ABLIM1: variants seen among roughly 807,000 people sequenced by gnomAD.
ABLIM1 encodes the protein actin-binding LIM protein 1.
ABLIM1 carries 40 observed loss-of-function variants against 107.0 expected under a neutral mutation model. That is an observed-to-expected ratio of 0.37 (90% confidence interval 0.29 to 0.49). ABLIM1 has a LOEUF of 0.49. Ranked by LOEUF, ABLIM1 falls within the 20% of genes least tolerant of loss-of-function variation. The pLI is 0.97. For synonymous variants in ABLIM1, 357 were observed against 357.3 expected, an observed-to-expected ratio of 1.00 and a Z score of 0.01; for missense variants, 857 against 1,008.5, an observed-to-expected ratio of 0.85 and a Z score of 2.04.
upstream of ABLIM1, among the ~76,000 whole-genome samples, chr10:114,686,439 G>A (rs1716634447): frequency 6.6e-6 from 1 of 151,662 alleles, no homozygotes. Flanking sequence ...CTTGAGCCCA[G>A]AAGATTGGGG....
At chr10:114,783,634 T>C in the ABLIM1 span, among the ~76,000 whole-genome samples, 1 of 151,462 alleles carries the variant, frequency 6.6e-6, no homozygotes, top group Non-Finnish European at 1.5e-5. Flanking sequence ...TGGTATTGAA[T>C]AAACAACAAA....
chr10:114,672,692 A>ATCT (rs1456922208), intron 1 of ABLIM1, among the ~76,000 whole-genome samples: 1 of 152,190 alleles, frequency 6.6e-6, no homozygotes, highest in Non-Finnish European at 1.5e-5. Context: ...TGTTTAAAAC[A>ATCT]TCTTTGTTTA....
upstream of ABLIM1, chr10:114,768,126 G>T: frequency 2.6e-6 from 1 of 386,344 alleles, no homozygotes; most frequent in Non-Finnish European, 5.2e-6. Flanking sequence ...CCCGCAGGGC[G>T]CGGGGAAGAA....
chr10:114,686,065 C>T (rs2141646538), upstream of ABLIM1, among the ~76,000 whole-genome samples: 1 of 152,282 alleles, frequency 6.6e-6, no homozygotes, highest in African/African-American at 2.4e-5. Context: ...TTTTACAAGG[C>T]AGGACAGGGG....
intron 1 of ABLIM1, among the ~76,000 whole-genome samples, chr10:114,651,172 GA>G (rs1457627680): frequency 6.6e-6 from 1 of 152,140 alleles, no homozygotes; most frequent in Non-Finnish European, 1.5e-5. Context: ...CGAACATAGT[GA>G]TTTGATTTCT....
chr10:114,657,052 T>C (rs35505004), intron 1 of ABLIM1, among the ~76,000 whole-genome samples: 48,147 of 152,140 alleles, frequency 0.32, 8,681 homozygotes, highest in Non-Finnish European at 0.42. Context: ...AATGGATGAA[T>C]TTTACAGCAT....
At chr10:114,796,406 T>C in the ABLIM1 span, among the ~76,000 whole-genome samples, 3 of 152,164 alleles carry the variant, frequency 2.0e-5, no homozygotes, top group African/African-American at 4.8e-5. Flanking sequence ...CCTTGCCATG[T>C]GGGTCTCTCC....
intron 1 of ABLIM1, among the ~76,000 whole-genome samples, chr10:114,742,630 A>G (rs558993176): frequency 6.6e-6 from 1 of 152,280 alleles, no homozygotes; most frequent in East Asian, 1.9e-4. Flanking sequence ...AAATGGAGTA[A>G]TAATATTATC....
At chr10:114,535,617 G>A (rs1180181557) in intron 6 of ABLIM1, among the ~76,000 whole-genome samples, 1 of 152,128 alleles carries the variant, frequency 6.6e-6, no homozygotes, top group Non-Finnish European at 1.5e-5. Flanking sequence ...GCCAAGCCTA[G>A]CATAGAATCT....
chr10:114,446,221 T>C (rs531637929), intron 15 of ABLIM1, among the ~76,000 whole-genome samples: 19 of 152,388 alleles, frequency 1.2e-4, no homozygotes, highest in African/African-American at 4.3e-4. Flanking sequence ...TGTCTTCTAC[T>C]CTTAGTAAAT....
chr10:114,550,138 CATA>C (rs1351856495), intron 4 of ABLIM1, among the ~76,000 whole-genome samples: 1 of 151,954 alleles, frequency 6.6e-6, no homozygotes, highest in Non-Finnish European at 1.5e-5. Context: ...ATCTAGTACA[CATA>C]TGAGTGTGTA....
intron 1 of ABLIM1, among the ~76,000 whole-genome samples, chr10:114,735,539 G>A (rs992303553): frequency 8.5e-5 from 13 of 152,216 alleles, no homozygotes; most frequent in African/African-American, 1.2e-4. Flanking sequence ...GCGCGATCTC[G>A]GCTCACTGCA....
At chr10:114,476,287 AAT>A (rs1337449599) in intron 8 of ABLIM1, among the ~76,000 whole-genome samples, 1 of 152,172 alleles carries the variant, frequency 6.6e-6, no homozygotes, top group Non-Finnish European at 1.5e-5. Context: ...GGCATATCTC[AAT>A]ATGAGAAAAT....
At position 114,468,228 on chromosome 10, in the gene ABLIM1, A is replaced by C. The variant is rs1169140837; in HGVS notation, c.1276-12T>G. ...AAAGTCCTCGGAGACTAGAAAAATA[A>C]AAGAGAATTTAAAGTCACAATGTTT... On this transcript the variant is annotated splice_polypyrimidine_tract_variant and intron_variant, in intron 10 of 22. Transcript: ENST00000533213. The C allele has an allele frequency of 1.2e-6, 2 of 1,611,726 alleles. No homozygotes were observed. The highest frequency in any genetic ancestry group is 3.3e-5 in the Admixed American group (2 of 60,020).
intron 1 of ABLIM1, among the ~76,000 whole-genome samples, chr10:114,700,751 A>T (rs1390429249): frequency 1.3e-5 from 2 of 152,022 alleles, no homozygotes; most frequent in Non-Finnish European, 2.9e-5. Context: ...AAAAAAAATT[A>T]ACCTCAACCC....
intron 2 of ABLIM1, among the ~76,000 whole-genome samples, chr10:114,600,722 TAC>T (rs1231627832): frequency 6.6e-6 from 1 of 152,088 alleles, no homozygotes; most frequent in Non-Finnish European, 1.5e-5. Flanking sequence ...AGAGTAAATC[TAC>T]AGAGTGCACT....
chr10:114,627,507 C>T (rs1469653201), intron 1 of ABLIM1, among the ~76,000 whole-genome samples: 1 of 152,070 alleles, frequency 6.6e-6, no homozygotes, highest in African/African-American at 2.4e-5. Context: ...TTTCTGAGTA[C>T]CCAGCACTTT....
chr10:114,662,458 C>T (rs567498572), upstream of ABLIM1, among the ~76,000 whole-genome samples: 112 of 152,228 alleles, frequency 7.4e-4, no homozygotes, highest in Admixed American at 1.6e-3. Flanking sequence ...CCCTGCTCCC[C>T]GTAAGTCCTA....
chr10:114,601,843 C>T lies in ABLIM1; in HGVS notation c.363G>A (p.Lys121=), dbSNP rs747543498. The change falls in exon 2 of 23, where the codon AAG becomes AAA. Residue 121 remains lysine, a synonymous_variant. Transcript: ENST00000533213. The part of the protein sequence containing the change: ...LRVQTKHFHI[K]CFTCKVCGCD... ...GCACCATACCTTTGCAGGTGAAACA[C>T]TTGATGTGGAAATGTTTGGTCTGGA... The T allele has an allele frequency of 6.2e-7, 1 of 1,614,176 alleles. No individual in the cohort carries two copies. Among genetic ancestry groups the T allele is most frequent in the Non-Finnish European group, 8.5e-7 (1 of 1,180,028 alleles).
Sources: gnomAD v4.1 joint callset for allele counts (sites outside exome capture counted in the v4.1 genomes callset) on GRCh38, gnomAD v4.1.1 for gene constraint, MANE v1.5 for transcripts, NCBI Gene and HGNC (gene_info 2026-07-23, HGNC 2026-07-21) for gene names.